The following ANKMY1 variants were observed in gnomAD, a reference collection of about 807,000 sequenced individuals.
ANKMY1 encodes ankyrin repeat and MYND domain-containing protein 1.
ANKMY1 carries 98 observed loss-of-function variants against 102.0 expected under a neutral mutation model. The observed-to-expected ratio is 0.96, with a 90% CI of 0.82 to 1.14. ANKMY1 has a LOEUF of 1.14. Among genes scored for constraint, ANKMY1 ranks in the 50% most tolerant of loss-of-function variants. ANKMY1 has a pLI of 0.00. For missense variants in ANKMY1, 1,330 were observed against 1,347.6 expected (o/e 0.99, Z 0.20); for synonymous variants, 582 against 559.9 (o/e 1.04, Z -0.56).
In ANKMY1 at chr2:240,520,317, G is replaced by A. The variant is rs1441910314; in HGVS notation, c.2004+45C>T. On this transcript the variant is annotated intron_variant, in intron 9 of 17. Transcript: ENST00000401804. The surrounding 1 kb of genome is among the most constrained non-coding windows in gnomAD (Gnocchi z 4.8). The stretch of plus-strand genomic sequence containing the variant: ...GAGGAGCTTCCCGGCCAGTGCCCGG[G>A]AGTCTGCTGCGCTCGTCCCGGCGCC... 4 of 1,501,332 alleles carry A rather than the reference G, an allele frequency of 2.7e-6. No homozygotes were observed. Among genetic ancestry groups the A allele is most frequent in the Non-Finnish European group, 3.6e-6 (4 of 1,119,420 alleles). The allele number at this position is 1,501,332 out of a possible 1,614,324, so 93.0% of individuals were successfully genotyped here. A position where few individuals can be genotyped will look rare whatever the true frequency, so the allele number is the denominator to read the frequency against.
At chr2:240,560,658 C>A, upstream of ANKMY1, 1 of 1,490,260 alleles carries the variant, frequency 6.7e-7, no homozygotes, top group Non-Finnish European at 8.8e-7. Context: ...TCCTCAGGGC[C>A]CAAAAGCAGA....
chr2:240,530,378 G>A (rs540285321), intron 4 of ANKMY1, among the ~76,000 whole-genome samples: 54 of 152,084 alleles, frequency 3.6e-4, no homozygotes, highest in African/African-American at 1.2e-3. Flanking sequence ...CTTCATGAAC[G>A]GTTCAGCACC....
At chr2:240,470,906 T>C in the ANKMY1 span, among the ~76,000 whole-genome samples, 119 of 152,194 alleles carry the variant, frequency 7.8e-4, no homozygotes, top group African/African-American at 2.7e-3. Flanking sequence ...GAGGCTTCAA[T>C]GAATGGGAAG....
chr2:240,523,607 C>A, intron 8 of ANKMY1: 1 of 519,250 alleles, frequency 1.9e-6, no homozygotes, highest in Non-Finnish European at 3.5e-6. Context: ...CAGGCCAGTG[C>A]CAAAGGCCAA....
At chr2:240,516,898 CT>C (rs2081311777) in intron 9 of ANKMY1, among the ~76,000 whole-genome samples, 1 of 152,160 alleles carries the variant, frequency 6.6e-6, no homozygotes, top group African/African-American at 2.4e-5. Flanking sequence ...TTGTTAATGG[CT>C]TCTTTTTGAA....
At chr2:240,472,612 G>T in the ANKMY1 span, among the ~76,000 whole-genome samples, 1 of 152,186 alleles carries the variant, frequency 6.6e-6, no homozygotes, top group Non-Finnish European at 1.5e-5. Flanking sequence ...GACCAGACAT[G>T]TTCAATGCCT....
At chr2:240,479,711 C>T in intron 17 of ANKMY1, 56 bp from the exon 18 acceptor site, 1 of 1,538,034 alleles carries the variant, frequency 6.5e-7, no homozygotes, top group Non-Finnish European at 8.9e-7. Context: ...CTGGCCTCCC[C>T]CGAGGCCTGG....
chr2:240,498,849 TTCTC>T (rs1160347029), intron 15 of ANKMY1, among the ~76,000 whole-genome samples: 1 of 152,032 alleles, frequency 6.6e-6, no homozygotes, highest in East Asian at 1.9e-4. Flanking sequence ...CACCCCCGCC[TTCTC>T]TCTCTCCCTC....
rs373544949 is a variant in ANKMY1, at chr2:240,480,937, C to A, written c.3046G>T (p.Val1016Leu). Residue 1016 changes from valine (V) to leucine (L), a missense_variant and splice_region_variant, in exon 17 of 18, where the codon GTG becomes TTG. Coordinates refer to ENST00000401804, the MANE Select transcript of ANKMY1 (RefSeq NM_001282771.3). Reference protein sequence around the residue: ...KKDCGDLVAIVTQLEQVSRRR... With the variant: ...KKDCGDLVAILTQLEQVSRRR... ...CCTCCCAGCCTGAGGGCCGACCTAC[C>A]GATGGCCACCAGGTCCCCGCAGTCC... 3 of 1,604,984 alleles carry A rather than the reference C, an allele frequency of 1.9e-6. No individual in the cohort carries two copies. The highest frequency in any genetic ancestry group is 2.6e-6 in the Non-Finnish European group (3 of 1,172,636).
chr2:240,507,649 G>C lies in ANKMY1; in HGVS notation c.2437C>G (p.Pro813Ala). ...LLTQGADPNL[P>A]LTKGLGSALC... ...GCACTGCCCAAGCCTTTGGTCAGGGGCAGGTTGGGGTCAGCTCCCTGGGTC... is the reference window on the plus strand; with the variant it reads ...GCACTGCCCAAGCCTTTGGTCAGGGCCAGGTTGGGGTCAGCTCCCTGGGTC... The change falls in exon 13 of 18, where the codon CCC (proline) becomes GCC (alanine). Residue 813 changes from proline to alanine, a missense_variant. Physicochemically the swap from Pro to Ala is conservative, Grantham distance 27. Transcript: ENST00000401804. 6.2e-7 allele frequency: 1 copy of C among 1,611,292 alleles called. No homozygotes were observed.
chr2:240,479,623 C>A lies in ANKMY1; in HGVS notation c.3079G>T (p.Glu1027Ter), dbSNP rs774442667. ...TQLEQVSRRR[E>*]EFQ ...CAGCTGCTGCTTCACTGGAATTCTT[C>A]TCTCCTCCTGGAAACTTGCTCCAGT... Residue 1027 changes from glutamate to a stop codon, truncating the protein, a stop_gained, in exon 18 of 18, where the codon GAA becomes TAA. Coordinates refer to ENST00000401804, the MANE Select transcript of ANKMY1 (RefSeq NM_001282771.3). LOFTEE classifies it high-confidence loss of function. The A allele has an allele frequency of 8.7e-6, 14 of 1,613,806 alleles. No individual in the cohort carries two copies. The African/African-American group carries it at 1.5e-4, about 17-fold the overall frequency.
At chr2:240,513,606 A>G (rs2080654654) in intron 9 of ANKMY1, among the ~76,000 whole-genome samples, 1 of 152,256 alleles carries the variant, frequency 6.6e-6, no homozygotes, top group Non-Finnish European at 1.5e-5. Context: ...GATGGTGGGA[A>G]GAGCCACCAG....
chr2:240,560,710 G>A (rs755901001), upstream of ANKMY1: 3 of 1,527,870 alleles, frequency 2.0e-6, no homozygotes, highest in East Asian at 2.7e-5. Context: ...GCTGGGCGCC[G>A]CGGGGCCGCC....
chr2:240,560,823 C>A (rs948925868), upstream of ANKMY1: 3 of 1,431,716 alleles, frequency 2.1e-6, no homozygotes, highest in African/African-American at 1.5e-5. Context: ...GGGAGTCACG[C>A]TGTGCGTCAA....
chr2:240,536,634 G>GAA (rs1351232128), intron 4 of ANKMY1, among the ~76,000 whole-genome samples: 1 of 152,158 alleles, frequency 6.6e-6, no homozygotes, highest in Non-Finnish European at 1.5e-5. Flanking sequence ...AAAAACAATT[G>GAA]AGCAGTAACA....
intron 15 of ANKMY1, among the ~76,000 whole-genome samples, chr2:240,487,270 A>C (rs947795360): frequency 6.6e-6 from 1 of 152,210 alleles, no homozygotes; most frequent in Admixed American, 6.5e-5. Flanking sequence ...CTAAGATACT[A>C]ATCTCCAGTT....
Position 240,524,196 on chromosome 2 carries a change from C to T in ANKMY1, c.1521G>A (p.Gly507=). ...TGTGGTCTATGGACCCCCCACACTG[C>T]CCGGTGTCCTGGAAGTGGCCGCCCT... is the stretch of plus-strand genomic sequence containing the variant. ...SHEGGHFQDT[G]QCGGSIDHRS... is the part of the protein sequence containing the mutation. Residue 507 remains glycine, a synonymous_variant, in exon 8 of 18, where the codon GGG becomes GGA. Coordinates refer to ENST00000401804, the MANE Select transcript of ANKMY1 (RefSeq NM_001282771.3). The T allele has an allele frequency of 6.2e-7, 1 of 1,613,902 alleles. No individual in the cohort carries two copies. Among genetic ancestry groups the T allele is most frequent in the Non-Finnish European group, 8.5e-7 (1 of 1,180,036 alleles).
At position 240,481,091 on chromosome 2, in the gene ANKMY1, G is replaced by A; in HGVS notation, c.2892C>T (p.Pro964=). 6.2e-7 allele frequency: 1 copy of A among 1,609,210 alleles called. No individual in the cohort carries two copies. The highest frequency in any genetic ancestry group is 2.2e-5 in the East Asian group (1 of 44,644). The change falls in exon 17 of 18, where the codon CCC becomes CCT. Residue 964 remains proline, a synonymous_variant. Transcript: ENST00000401804. ...CACACTGGTAGCAGAACTTGAAGAA[G>A]GGAATTCTGCAACAGAGCCTCACCG... ...GLDVKEQGQI[P]FFKFCYQCGR...
In ANKMY1 at chr2:240,481,074, T is replaced by C. The variant is rs1191293830; in HGVS notation, c.2909A>G (p.Tyr970Cys). 3 of 1,611,322 alleles carry C rather than the reference T, an allele frequency of 1.9e-6. No individual in the cohort carries two copies. In the Admixed American group the frequency reaches 5.0e-5, roughly 27 times the overall value. The part of the protein sequence containing the change: ...QGQIPFFKFC[Y>C]QCGRSIGVRL... ...GACCCCGATGGAGCGGCCACACTGG[T>C]AGCAGAACTTGAAGAAGGGAATTCT... The change falls in exon 17 of 18, where the codon TAC (tyrosine) becomes TGC (cysteine). Residue 970 changes from tyrosine to cysteine, a missense_variant. Coordinates refer to ENST00000401804, the MANE Select transcript of ANKMY1 (RefSeq NM_001282771.3).
Sources: gnomAD v4.1 joint callset for allele counts (sites outside exome capture counted in the v4.1 genomes callset) on GRCh38, gnomAD v4.1.1 for gene constraint, Gnocchi (gnomAD v3.1) non-coding constraint, MANE v1.5 for transcripts, NCBI Gene and HGNC (gene_info 2026-07-23, HGNC 2026-07-21) for gene names.